Variants in TMX1 observed in about 807,000 individuals in gnomAD.
TMX1 encodes thioredoxin related transmembrane protein 1, also known as thioredoxin-related transmembrane protein 1.
A neutral mutation model predicts 36.6 loss-of-function variants in TMX1; 25 were observed. The ratio of observed to expected loss-of-function variants is 0.68; its 90% CI spans 0.50 to 0.95. The LOEUF (loss-of-function observed/expected upper bound fraction) is 0.95. Among genes scored for constraint, TMX1 ranks in the 40% least tolerant of loss-of-function variants. TMX1 has a pLI of 0.00. For synonymous variants in TMX1, 133 were observed against 118.0 expected (o/e 1.13, Z -0.82); for missense variants, 347 against 339.6 (o/e 1.02, Z -0.17).
In TMX1 at chr14:51,254,490, G is replaced by C; in HGVS notation, c.814G>C (p.Gly272Arg). ...GAATGCCATAAGACAACGCTCTCTG[G>C]GTCCATCATTGGCCACAGATAAATC... ...PQNAIRQRSL[G>R]PSLATDKS Residue 272 changes from glycine (G) to arginine (R), a missense_variant, in exon 8 of 8, where the codon GGT becomes CGT. Gly to Arg is a moderately radical substitution (Grantham distance 125). Transcript: ENST00000457354. 1.2e-6 allele frequency: 2 copies of C among 1,601,748 alleles called. No homozygotes were observed. Among genetic ancestry groups the C allele is most frequent in the Non-Finnish European group, 1.7e-6 (2 of 1,176,738 alleles).
At chr14:51,249,434 A>G in intron 5 of TMX1, 34 bp from the exon 6 acceptor site, 2 of 1,569,548 alleles carry the variant, frequency 1.3e-6, no homozygotes, top group Non-Finnish European at 1.7e-6. Flanking sequence ...AAAAATGAAC[A>G]GATTTTTAGT....
chr14:51,252,945 G>GT (rs1172199070), intron 7 of TMX1, among the ~76,000 whole-genome samples: 1 of 152,020 alleles, frequency 6.6e-6, no homozygotes, highest in Non-Finnish European at 1.5e-5. Flanking sequence ...TATTTTTCTA[G>GT]TTTTTTTCTG....
At chr14:51,249,958 T>C (rs149562228) in intron 7 of TMX1, among the ~76,000 whole-genome samples, 193 bp downstream of exon 7, 21 of 152,368 alleles carry the variant, frequency 1.4e-4, no homozygotes, top group African/African-American at 4.3e-4. Context: ...CAGTGGATTT[T>C]GGAACATTGT....
chr14:51,249,150 T>C (rs577666089), intron 4 of TMX1, among the ~76,000 whole-genome samples, 176 bp from the exon 5 acceptor site: 2 of 152,348 alleles, frequency 1.3e-5, no homozygotes, highest in African/African-American at 4.8e-5. Flanking sequence ...AGTGTCAATT[T>C]AGAAACAGTT....
At position 51,254,607 on chromosome 14, in the gene TMX1, T is replaced by C. The variant is rs1326310360; in HGVS notation, c.*88T>C. On this transcript the variant is annotated 3_prime_UTR_variant, in exon 8 of 8. Coordinates refer to ENST00000457354, the MANE Select transcript of TMX1 (RefSeq NM_030755.5). ...TTGGTTTGAAGTGAACTGTGACTTT[T>C]TTGAATATTGCAGGGTTCAGTCTAG... 1 of 1,224,070 alleles carries C rather than the reference T, an allele frequency of 8.2e-7. No homozygotes were observed. Among genetic ancestry groups the C allele is most frequent in the Non-Finnish European group, 1.1e-6 (1 of 879,058 alleles). 75.8% of individuals were successfully genotyped at this position (1,224,070 alleles called of 1,614,324 possible).
intron 7 of TMX1, among the ~76,000 whole-genome samples, chr14:51,250,933 G>A (rs140206435): frequency 8.9e-4 from 135 of 152,186 alleles, no homozygotes; most frequent in Non-Finnish European, 1.3e-3. Flanking sequence ...TACTAAAAAG[G>A]ACATGCATAG....
chr14:51,245,254 C>A, intron 2 of TMX1, 59 bp from the exon 3 acceptor site: 1 of 1,595,406 alleles, frequency 6.3e-7, no homozygotes. Flanking sequence ...TTCAAAGTCA[C>A]GTTTTAAGTA....
At position 51,247,141 on chromosome 14, in the gene TMX1, G is replaced by T. The variant is rs2065789331; in HGVS notation, c.364G>T (p.Asp122Tyr). 1 of 1,612,854 alleles carries T rather than the reference G, an allele frequency of 6.2e-7. No individual in the cohort carries two copies. The highest frequency in any genetic ancestry group is 1.3e-5 in the African/African-American group (1 of 74,856). ...CTATCAGGGTCCAAGGACTAAGAAG[G>T]ACTTCATAAACTTTATAAGTGATAA... is the stretch of plus-strand genomic sequence containing the variant. ...RRYQGPRTKK[D>Y]FINFISDKEW... Residue 122 changes from aspartate to tyrosine, a missense_variant, in exon 4 of 8, where the codon GAC (aspartate) becomes TAC (tyrosine). Coordinates refer to ENST00000457354, the MANE Select transcript of TMX1 (RefSeq NM_030755.5).
chr14:51,247,750 A>G (rs905873283), intron 4 of TMX1, among the ~76,000 whole-genome samples: 8 of 152,148 alleles, frequency 5.3e-5, no homozygotes, highest in African/African-American at 1.9e-4. Flanking sequence ...TAAGTTGTAC[A>G]CCTTTTCAGG....
rs1223458427 is a variant in TMX1, at chr14:51,254,921, AAAG to A, written c.*407_*409del. On this transcript the variant is annotated 3_prime_UTR_variant, in exon 8 of 8. Transcript: ENST00000457354. ...TTTTCTCTGTTTCACTGTGTGAAAA[AAAG>A]AAGATATTTCCCATAAATGGGAAGT... The A allele has an allele frequency of 6.5e-6, 1 of 153,064 alleles. No individual in the cohort carries two copies. The highest frequency in any genetic ancestry group is 1.5e-5 in the Non-Finnish European group (1 of 68,372). The allele number at this position is 153,064 out of a possible 1,614,324, so 9.5% of individuals were successfully genotyped here. A position where few individuals can be genotyped will look rare whatever the true frequency, so the allele number is the denominator to read the frequency against.
intron 1 of TMX1, among the ~76,000 whole-genome samples, chr14:51,242,077 C>T (rs1042809921): frequency 8.6e-5 from 13 of 152,022 alleles, no homozygotes; most frequent in African/African-American, 2.9e-4. Flanking sequence ...TGCAGTGAGC[C>T]GAGGTCGCAC....
At chr14:51,243,562 C>G (rs1042035663) in intron 1 of TMX1, among the ~76,000 whole-genome samples, 1 of 152,104 alleles carries the variant, frequency 6.6e-6, no homozygotes, top group South Asian at 2.1e-4. Flanking sequence ...GTGGCCACAC[C>G]GTTAATAGAG....
chr14:51,242,021 C>T (rs1041378470), intron 1 of TMX1, among the ~76,000 whole-genome samples: 2 of 151,916 alleles, frequency 1.3e-5, no homozygotes, highest in Admixed American at 6.6e-5. Flanking sequence ...CCCAGCTACT[C>T]GGGAGGCTGA....
intron 7 of TMX1, 23 bp downstream of exon 7, chr14:51,249,788 A>T: frequency 6.4e-7 from 1 of 1,553,616 alleles, no homozygotes; most frequent in Non-Finnish European, 8.8e-7. Flanking sequence ...TAAAATGTTT[A>T]TTTTTTATTC....
intron 3 of TMX1, among the ~76,000 whole-genome samples, chr14:51,246,045 T>G (rs1186413379): frequency 6.6e-6 from 1 of 152,138 alleles, no homozygotes; most frequent in African/African-American, 2.4e-5. Flanking sequence ...TGACAATTCT[T>G]TGTATTTATA....
rs149822681 is a variant in TMX1, at chr14:51,246,233, G to C, written c.315-859G>C. On this transcript the variant is annotated intron_variant, in intron 3 of 7. Coordinates refer to ENST00000457354, the MANE Select transcript of TMX1 (RefSeq NM_030755.5). ...CTCTCCCTTTGCTTTTCACTTCTTA[G>C]TGCCCTGTGACCTTATTTGGAATTT... Among the ~76,000 whole-genome samples the C allele has an allele frequency of 1.3e-3, 202 of 151,822 alleles. 1 individual carries two copies. The highest frequency in any genetic ancestry group is 4.8e-3 in the African/African-American group (198 of 41,346).
Position 51,255,725 on chromosome 14 carries a change from A to G in TMX1, c.*1206A>G, listed in dbSNP as rs2065835451. 6.6e-6 allele frequency: 1 copy of G among 152,018 alleles called. No individual in the cohort carries two copies. Among genetic ancestry groups the G allele is most frequent in the Non-Finnish European group, 1.5e-5 (1 of 67,908 alleles). 9.4% of individuals were successfully genotyped at this position (152,018 alleles called of 1,614,324 possible). On this transcript the variant is annotated 3_prime_UTR_variant, in exon 8 of 8. Transcript: ENST00000457354. ...GATTTCACAGGTAAAAGTCAGTAGG[A>G]TGGAACATTTTAGTGTATTTTTACT...
At chr14:51,251,411 G>C (rs567964963) in intron 7 of TMX1, among the ~76,000 whole-genome samples, 4 of 152,154 alleles carry the variant, frequency 2.6e-5, no homozygotes, top group African/African-American at 9.6e-5. Context: ...GATTTATCAG[G>C]GTATAACCCC....
Position 51,249,557 on chromosome 14 carries a change from G to A in TMX1, c.579G>A (p.Leu193=), listed in dbSNP as rs773925436. 6.2e-7 allele frequency: 1 copy of A among 1,613,534 alleles called. No homozygotes were observed. The highest frequency in any genetic ancestry group is 1.3e-5 in the African/African-American group (1 of 74,944). Residue 193 remains leucine (L), a synonymous_variant, in exon 6 of 8, where the codon CTG becomes CTA. Transcript: ENST00000457354. Reference sequence around the variant, plus strand: ...CTTTAGCAACTCTGTTTTCCGGACTGTTATTAGGACTCGTAAGTATTTCAT... The same window carrying A: ...CTTTAGCAACTCTGTTTTCCGGACTATTATTAGGACTCGTAAGTATTTCAT... ...VFALATLFSG[L]LLGLCMIFVA...
Sources: allele counts gnomAD v4.1 joint callset (sites outside exome capture counted in the v4.1 genomes callset), GRCh38; gene constraint gnomAD v4.1.1; transcripts MANE v1.5; gene names NCBI Gene and HGNC (gene_info 2026-07-23, HGNC 2026-07-21).